Variants in C16orf87 observed in about 807,000 individuals in gnomAD.
C16orf87 encodes the protein UPF0547 protein C16orf87.
A neutral mutation model predicts 21.0 loss-of-function variants in C16orf87; 13 were observed. The observed-to-expected ratio is 0.62, with a 90% CI of 0.40 to 0.98. The LOEUF is 0.98. Among genes scored for constraint, C16orf87 ranks in the 50% least tolerant of loss-of-function variants. The pLI is 0.00. For synonymous variants in C16orf87, 49 were observed against 60.2 expected, an observed-to-expected ratio of 0.81 and a Z score of 0.86; for missense variants, 113 against 180.4, an observed-to-expected ratio of 0.63 and a Z score of 2.14.
At position 46,796,707 on chromosome 16, in the gene C16orf87, TTAAAA is replaced by T. The variant is rs1320892615; in HGVS notation, c.*6240_*6244del. On this transcript the variant is annotated 3_prime_UTR_variant, in exon 4 of 4. Coordinates refer to ENST00000285697, the MANE Select transcript of C16orf87 (RefSeq NM_001001436.4). Reference sequence around the variant, plus strand: ...TGATTTTGTTAACTGAAATGATTTATTAAAATAAAATAAATGAACAGAGGTTCTGA... The same window carrying T: ...TGATTTTGTTAACTGAAATGATTTATTAAAATAAATGAACAGAGGTTCTGA... The T allele has an allele frequency of 6.6e-6, 1 of 152,148 alleles. No homozygotes were observed. The highest frequency in any genetic ancestry group is 2.4e-5 in the African/African-American group (1 of 41,426). 9.4% of individuals were successfully genotyped at this position (152,148 alleles called of 1,614,324 possible).
intron 3 of C16orf87, among the ~76,000 whole-genome samples, chr16:46,807,755 A>C (rs551627400): frequency 1.3e-5 from 2 of 152,386 alleles, no homozygotes; most frequent in East Asian, 3.9e-4. Context: ...AAAAAAAAGC[A>C]TATCTTACTC....
At chr16:46,808,546 A>T (rs1967992183) in intron 3 of C16orf87, among the ~76,000 whole-genome samples, 1 of 152,242 alleles carries the variant, frequency 6.6e-6, no homozygotes, top group Non-Finnish European at 1.5e-5. Flanking sequence ...TTAAAAATGC[A>T]TTTCAGTGAA....
chr16:46,825,741 G>A (rs1484690141), intron 1 of C16orf87, among the ~76,000 whole-genome samples: 8 of 151,662 alleles, frequency 5.3e-5, no homozygotes, highest in Admixed American at 1.3e-4. Flanking sequence ...GTGAAACCCC[G>A]TCCCTACTAA....
chr16:46,821,745 C>A (rs975207021), intron 2 of C16orf87, among the ~76,000 whole-genome samples: 1 of 152,198 alleles, frequency 6.6e-6, no homozygotes, highest in African/African-American at 2.4e-5. Context: ...TCCTAACTTA[C>A]AAACTCTGCA....
chr16:46,818,463 A>C (rs1959284076), intron 2 of C16orf87, among the ~76,000 whole-genome samples: 1 of 152,108 alleles, frequency 6.6e-6, no homozygotes, highest in Admixed American at 6.6e-5. Context: ...TGAAAAAAGG[A>C]GGAGGTTATT....
At position 46,831,093 on chromosome 16, in the gene C16orf87, G is replaced by A; in HGVS notation, c.57C>T (p.Cys19=). The A allele has an allele frequency of 1.3e-6, 2 of 1,572,668 alleles. No individual in the cohort carries two copies. Among genetic ancestry groups the A allele is most frequent in the Non-Finnish European group, 1.7e-6 (2 of 1,157,842 alleles). ...VKMATKSCPE[C]DQQVPVACKS... Reference sequence around the variant, plus strand: ...GGCCCCCGGCACCCACCTGTTGGTCGCACTCGGGGCATGATTTGGTGGCCA... The same window carrying A: ...GGCCCCCGGCACCCACCTGTTGGTCACACTCGGGGCATGATTTGGTGGCCA... The change falls in exon 1 of 4, where the codon TGC becomes TGT. Residue 19 remains cysteine (C), a synonymous_variant. Transcript: ENST00000285697.
intron 1 of C16orf87, among the ~76,000 whole-genome samples, chr16:46,828,825 A>G (rs1406098590): frequency 6.6e-6 from 1 of 152,218 alleles, no homozygotes; most frequent in Non-Finnish European, 1.5e-5. Flanking sequence ...GCTTATAACT[A>G]AAAGAAGCTA....
Position 46,796,934 on chromosome 16 carries a change from A to G in C16orf87, c.*6018T>C, listed in dbSNP as rs1450216022. On this transcript the variant is annotated 3_prime_UTR_variant, in exon 4 of 4. Coordinates refer to ENST00000285697, the MANE Select transcript of C16orf87 (RefSeq NM_001001436.4). Reference sequence around the variant, plus strand: ...CCGGGCACATCATAATCAAACCAATAAAAACCAAAGACAAAGATTCCTGAA... The same window carrying G: ...CCGGGCACATCATAATCAAACCAATGAAAACCAAAGACAAAGATTCCTGAA... 6.6e-6 allele frequency: 1 copy of G among 152,248 alleles called. No individual in the cohort carries two copies. The allele number at this position is 152,248 out of a possible 1,614,324, so 9.4% of individuals were successfully genotyped here. A position where few individuals can be genotyped will look rare whatever the true frequency, so the allele number is the denominator to read the frequency against.
intron 3 of C16orf87, among the ~76,000 whole-genome samples, chr16:46,805,091 T>C (rs1288848987): frequency 6.6e-6 from 1 of 152,228 alleles, no homozygotes; most frequent in Admixed American, 6.5e-5. Flanking sequence ...TTTCTCTTTT[T>C]AGACTGGGAA....
At chr16:46,812,286 T>C (rs1043170501) in intron 2 of C16orf87, among the ~76,000 whole-genome samples, 2 of 152,180 alleles carry the variant, frequency 1.3e-5, no homozygotes, top group African/African-American at 4.8e-5. Context: ...AGCACCCATA[T>C]GCAATTTGTG....
intron 2 of C16orf87, among the ~76,000 whole-genome samples, chr16:46,822,408 G>T (rs1457738734): frequency 6.6e-6 from 1 of 152,206 alleles, no homozygotes; most frequent in Non-Finnish European, 1.5e-5. Context: ...GCTACCGAGT[G>T]AATCATCATT....
rs192746049 is a variant in C16orf87 at position 46,809,278 on chromosome 16, C to T, written c.346+325G>A. Among the ~76,000 whole-genome samples, 311 of 150,716 alleles carry T rather than the reference C, an allele frequency of 2.1e-3. 2 individuals carry two copies. In the Middle Eastern group the frequency reaches 0.054, roughly 26 times the overall value. On this transcript the variant is annotated intron_variant, in intron 3 of 3. Coordinates refer to ENST00000285697, the MANE Select transcript of C16orf87 (RefSeq NM_001001436.4). ...CTCCAGCCTGGGTGACAGAACAACA[C>T]GCTGTCTCAAAAAAAAAAAAAAGTA...
Position 46,799,125 on chromosome 16 carries a change from A to G in C16orf87, c.*3827T>C, listed in dbSNP as rs756408884. 13 of 152,208 alleles carry G rather than the reference A, an allele frequency of 8.5e-5. No homozygotes were observed. The highest frequency in any genetic ancestry group is 1.3e-4 in the Non-Finnish European group (9 of 68,024). 9.4% of individuals were successfully genotyped at this position (152,208 alleles called of 1,614,324 possible). ...TGACTGGGGTAAAAAGAATTATTCTATTCCAGACTCTGTTATATGTCTCAT... is the reference window on the plus strand; with the variant it reads ...TGACTGGGGTAAAAAGAATTATTCTGTTCCAGACTCTGTTATATGTCTCAT... On this transcript the variant is annotated 3_prime_UTR_variant, in exon 4 of 4. Coordinates refer to ENST00000285697, the MANE Select transcript of C16orf87 (RefSeq NM_001001436.4).
At chr16:46,809,125 C>T (rs1439924086) in intron 3 of C16orf87, among the ~76,000 whole-genome samples, 2 of 151,704 alleles carry the variant, frequency 1.3e-5, no homozygotes, top group African/African-American at 4.8e-5. Context: ...TGGTGAAACC[C>T]CCCTCTACAA....
intron 2 of C16orf87, among the ~76,000 whole-genome samples, chr16:46,817,905 T>G (rs530821696): frequency 4.4e-4 from 36 of 81,692 alleles, no homozygotes; most frequent in Non-Finnish European, 4.6e-4. Context: ...TGCATTTTTT[T>G]CATCAAAAAG....
Position 46,830,860 on chromosome 16 carries a change from T to C in C16orf87, c.66+224A>G, listed in dbSNP as rs1003984949. The stretch of plus-strand genomic sequence containing the variant: ...GGCCGGGACACAGCAAGAAGGGGCT[T>C]GGCCGTCTGGCCGCCGCCAGGTGGA... On this transcript the variant is annotated intron_variant, in intron 1 of 3. Transcript: ENST00000285697. 10 of 364,872 alleles carry C rather than the reference T, an allele frequency of 2.7e-5. No individual in the cohort carries two copies. In the East Asian group the frequency reaches 3.9e-4, roughly 14 times the overall value. 22.6% of individuals were successfully genotyped at this position (364,872 alleles called of 1,614,324 possible).
At chr16:46,817,269 C>T (rs396907) in intron 2 of C16orf87, among the ~76,000 whole-genome samples, 150,047 of 152,328 alleles carry the variant, frequency 0.99, 73,931 homozygotes, top group South Asian at 1. Flanking sequence ...CTCTCCACAA[C>T]AGAAGATAGG....
At position 46,818,406 on chromosome 16, in the gene C16orf87, C is replaced by A. The variant is rs113123747; in HGVS notation, c.163+5980G>T. ...CCTATTAACTTATATTAAAGAATAACTTGAAAACTAAGTTGAGGGTTTTTT... is the reference window on the plus strand; with the variant it reads ...CCTATTAACTTATATTAAAGAATAAATTGAAAACTAAGTTGAGGGTTTTTT... On this transcript the variant is annotated intron_variant, in intron 2 of 3. Transcript: ENST00000285697. 8.5e-3 allele frequency among the ~76,000 whole-genome samples: 1,297 copies of A among 152,208 alleles called. 18 individuals are homozygous for A. The highest frequency in any genetic ancestry group is 0.03 in the African/African-American group (1,233 of 41,532).
chr16:46,828,034 A>G (rs945637628), intron 1 of C16orf87, among the ~76,000 whole-genome samples: 21 of 151,858 alleles, frequency 1.4e-4, no homozygotes, highest in Non-Finnish European at 2.9e-4. Context: ...TCCCGGGTTC[A>G]ATCACTTCTC....
Sources: gnomAD v4.1 joint callset for allele counts (sites outside exome capture counted in the v4.1 genomes callset) on GRCh38, gnomAD v4.1.1 for gene constraint, MANE v1.5 for transcripts, NCBI Gene and HGNC (gene_info 2026-07-23, HGNC 2026-07-21) for gene names.